LOC128462377: variants seen among roughly 807,000 people sequenced by gnomAD.
the LOC128462377 span, among the ~76,000 whole-genome samples, chr16:89,374,873 T>C: frequency 8.5e-5 from 13 of 152,222 alleles, no homozygotes; most frequent in South Asian, 1.9e-3. Context: ...GAAAAACTTA[T>C]TAGAGATTTG....
chr16:89,411,258 T>C, the LOC128462377 span, among the ~76,000 whole-genome samples: 1 of 152,176 alleles, frequency 6.6e-6, no homozygotes, highest in African/African-American at 2.4e-5. Flanking sequence ...ACCTTTTTGC[T>C]CTACTTCTCT....
the LOC128462377 span, among the ~76,000 whole-genome samples, chr16:89,407,907 T>C: frequency 3.4e-5 from 5 of 148,674 alleles, no homozygotes; most frequent in East Asian, 2.0e-4. Flanking sequence ...TTTGTCCACA[T>C]AGTAAAACTC....
the LOC128462377 span, among the ~76,000 whole-genome samples, chr16:89,341,320 T>C: frequency 6.6e-6 from 1 of 152,166 alleles, no homozygotes; most frequent in African/African-American, 2.4e-5. Context: ...TTTAAATTAT[T>C]AATCAGGCAA....
the LOC128462377 span, among the ~76,000 whole-genome samples, chr16:89,396,342 A>C: frequency 6.6e-6 from 1 of 152,180 alleles, no homozygotes; most frequent in Non-Finnish European, 1.5e-5. Flanking sequence ...ATGTGGACAC[A>C]CAGGCACACT....
chr16:89,392,725 G>A, the LOC128462377 span: 1 of 148,174 alleles, frequency 6.7e-6, no homozygotes, highest in African/African-American at 2.5e-5. Context: ...ACAGACAACG[G>A]TATCTAGGAT....
the LOC128462377 span, among the ~76,000 whole-genome samples, chr16:89,328,295 C>G: frequency 3.0e-4 from 46 of 152,320 alleles, no homozygotes; most frequent in Non-Finnish European, 5.1e-4. Flanking sequence ...GGCAGCCTTA[C>G]GAACCTAAGT....
At chr16:89,324,375 C>A in the LOC128462377 span, 1 of 772,134 alleles carries the variant, frequency 1.3e-6, no homozygotes, top group Non-Finnish European at 1.9e-6. Context: ...GAGGGCGGCA[C>A]GTGGGCGCAA....
chr16:89,325,198 C>T, the LOC128462377 span: 3 of 152,318 alleles, frequency 2.0e-5, no homozygotes, highest in Non-Finnish European at 4.4e-5. Flanking sequence ...GAGGGTGGAA[C>T]ACTACACAGC....
the LOC128462377 span, among the ~76,000 whole-genome samples, chr16:89,331,513 A>G: frequency 6.6e-6 from 1 of 152,234 alleles, no homozygotes; most frequent in Non-Finnish European, 1.5e-5. Context: ...CAGTTCAAAC[A>G]AAGAACTGCT....
chr16:89,337,253 G>A, the LOC128462377 span, among the ~76,000 whole-genome samples: 2 of 151,724 alleles, frequency 1.3e-5, no homozygotes, highest in South Asian at 2.1e-4. Context: ...GAAGCCCCAT[G>A]CCCAAATGCT....
At chr16:89,385,588 A>C in the LOC128462377 span, among the ~76,000 whole-genome samples, 1 of 152,168 alleles carries the variant, frequency 6.6e-6, no homozygotes, top group Admixed American at 6.5e-5. Context: ...AGTGAGCAAG[A>C]AGACAGTCAC....
At chr16:89,398,205 TGAAGATTA>T in the LOC128462377 span, among the ~76,000 whole-genome samples, 3 of 150,970 alleles carry the variant, frequency 2.0e-5, no homozygotes, top group Non-Finnish European at 4.4e-5. Context: ...GTGAAACAGC[TGAAGATTA>T]CCTGTGACCT....
At chr16:89,344,677 G>A in the LOC128462377 span, among the ~76,000 whole-genome samples, 1 of 152,182 alleles carries the variant, frequency 6.6e-6, no homozygotes, top group Non-Finnish European at 1.5e-5. Context: ...CATGCATGCT[G>A]GGAGCTGCCG....
At chr16:89,325,475 A>T in the LOC128462377 span, among the ~76,000 whole-genome samples, 2 of 149,486 alleles carry the variant, frequency 1.3e-5, no homozygotes, top group South Asian at 2.1e-4. Context: ...TCTCTCACAC[A>T]CACACACACA....
At chr16:89,356,601 C>T in the LOC128462377 span, among the ~76,000 whole-genome samples, 3 of 147,768 alleles carry the variant, frequency 2.0e-5, no homozygotes, top group African/African-American at 7.6e-5. Context: ...AAAACCCCAT[C>T]TCTACTAAAA....
At chr16:89,410,670 T>C in the LOC128462377 span, among the ~76,000 whole-genome samples, 17 of 152,348 alleles carry the variant, frequency 1.1e-4, no homozygotes, top group African/African-American at 3.6e-4. Flanking sequence ...GTTTTATTTT[T>C]CCTAATAAAT....
At chr16:89,373,217 G>T in the LOC128462377 span, 13 of 152,380 alleles carry the variant, frequency 8.5e-5, no homozygotes, top group East Asian at 2.5e-3. Context: ...ACCCAAGATT[G>T]TGAAGCAATT....
chr16:89,374,098 T>C, the LOC128462377 span, among the ~76,000 whole-genome samples: 2 of 152,140 alleles, frequency 1.3e-5, no homozygotes, highest in East Asian at 1.9e-4. Context: ...GAGACAAAAA[T>C]GATCAATAGT....
the LOC128462377 span, among the ~76,000 whole-genome samples, chr16:89,352,953 C>T: frequency 6.6e-6 from 1 of 152,220 alleles, no homozygotes; most frequent in Admixed American, 6.5e-5. Flanking sequence ...AACAAACATA[C>T]TTCAGAAAAG....
Sources: gnomAD v4.1 joint callset for allele counts (sites outside exome capture counted in the v4.1 genomes callset) on GRCh38, gnomAD v4.1.1 for gene constraint, MANE v1.5 for transcripts.